The following CT45A1 variants were observed in gnomAD, a reference collection of about 807,000 sequenced individuals.
CT45A1 encodes cancer/testis antigen family 45 member A1, also known as cancer/testis antigen 45-1.
chrX:135,709,311 A>T (rs1556568986), upstream of CT45A1, among the ~76,000 whole-genome samples: 1 of 112,754 alleles, frequency 8.9e-6, no homozygotes, highest in Non-Finnish European at 1.9e-5. Flanking sequence ...ATTTCTTAGC[A>T]GAGACAGGGT....
At position 135,714,932 on chromosome X, in the gene CT45A1, C is replaced by T. The variant is rs2087966069; in HGVS notation, c.-7+1242C>T. Among the ~76,000 whole-genome samples, 2 of 105,297 alleles carry T rather than the reference C, an allele frequency of 1.9e-5. 1 individual carries two copies. Among genetic ancestry groups the T allele is most frequent in the Middle Eastern group, 9.0e-3 (2 of 223 alleles). The allele number at this position is 105,297 out of a possible 115,157, so 91.4% of individuals were successfully genotyped here. On this transcript the variant is annotated intron_variant, in intron 1 of 4. Transcript: ENST00000594565. ...TTCAGGTATTTTCCTCCAGCTTTTA[C>T]TGAGATGTTTGTATTTTAAAAATGG... is the stretch of plus-strand genomic sequence containing the variant.
At chrX:135,712,659 C>T (rs1359496298), upstream of CT45A1, among the ~76,000 whole-genome samples, 1 of 110,464 alleles carries the variant, frequency 9.1e-6, no homozygotes, top group East Asian at 2.8e-4. Context: ...TCCCAAGTAG[C>T]TGTTGGGACT....
At chrX:135,711,699 C>T (rs1556569587), upstream of CT45A1, among the ~76,000 whole-genome samples, 1 of 111,898 alleles carries the variant, frequency 8.9e-6, no homozygotes, top group East Asian at 2.8e-4. Context: ...CTGCTTGTTC[C>T]ATTAAAACTC....
upstream of CT45A1, among the ~76,000 whole-genome samples, chrX:135,711,491 G>A (rs1811027629): frequency 9.0e-6 from 1 of 111,168 alleles, no homozygotes; most frequent in South Asian, 3.9e-4. Context: ...CTGGAGTGCA[G>A]TGGCTCGATC....
At chrX:135,717,010 A>G (rs2087992879) in intron 1 of CT45A1, among the ~76,000 whole-genome samples, 1 of 111,244 alleles carries the variant, frequency 9.0e-6, no homozygotes, top group Admixed American at 9.6e-5. Context: ...CTCTACCTTT[A>G]TAGTAAATTT....
chrX:135,709,383 C>A (rs2087923080), upstream of CT45A1, among the ~76,000 whole-genome samples: 2 of 112,482 alleles, frequency 1.8e-5, no homozygotes, highest in African/African-American at 6.5e-5. Context: ...CCACCTCAGA[C>A]TCCCAAAGTG....
chrX:135,713,473 C>T (rs2087952501), upstream of CT45A1: 1 of 398,883 alleles, frequency 2.5e-6, no homozygotes, highest in Non-Finnish European at 3.0e-6. Context: ...TGGGCCAGCA[C>T]ACTGTGGCTG....
intron 1 of CT45A1, among the ~76,000 whole-genome samples, chrX:135,715,366 T>TATATATAATACTTATATATAATACTTAC: frequency 4.2e-5 from 3 of 70,600 alleles, no homozygotes; most frequent in Non-Finnish European, 7.5e-5. Flanking sequence ...ATAATACTTA[T>TATATATAATACTTATATATAATACTTAC]ATATATAATA....
At chrX:135,712,179 C>CTT (rs782572662), upstream of CT45A1, among the ~76,000 whole-genome samples, 22,145 of 48,304 alleles carry the variant, frequency 0.46, 5,635 homozygotes, top group East Asian at 0.69. Context: ...TTTTTTCTTT[C>CTT]TTTTTTTTTT....
upstream of CT45A1, among the ~76,000 whole-genome samples, chrX:135,712,958 T>TTTCTTTCG (rs1438037424): frequency 2.2e-4 from 19 of 84,880 alleles, no homozygotes; most frequent in Non-Finnish European, 3.3e-4. Flanking sequence ...TCTTTCTTTC[T>TTTCTTTCG]TTCTTTCTTT....
upstream of CT45A1, among the ~76,000 whole-genome samples, chrX:135,711,107 A>T (rs1457176045): frequency 9.0e-6 from 1 of 111,548 alleles, no homozygotes; most frequent in Admixed American, 9.5e-5. Flanking sequence ...GGTAGGCAGG[A>T]TTCTAATTAA....
At chrX:135,711,801 C>T (rs1487078912), upstream of CT45A1, among the ~76,000 whole-genome samples, 3 of 111,652 alleles carry the variant, frequency 2.7e-5, no homozygotes, top group African/African-American at 9.8e-5. Flanking sequence ...GAAAAATGGG[C>T]GGGGCGTGGT....
chrX:135,709,887 G>T (rs1411915587), upstream of CT45A1, among the ~76,000 whole-genome samples: 3 of 111,884 alleles, frequency 2.7e-5, no homozygotes, highest in Non-Finnish European at 5.6e-5. Context: ...TTTTAAAAAG[G>T]TTAAAAAAGA....
chrX:135,713,763 T>C, intron 1 of CT45A1, 73 bp downstream of exon 1: 1 of 670,141 alleles, frequency 1.5e-6, no homozygotes, highest in Non-Finnish European at 1.8e-6. Flanking sequence ...AAGTGTCCTT[T>C]TTCCTCAGAA....
upstream of CT45A1, among the ~76,000 whole-genome samples, chrX:135,710,809 T>A (rs1265824977): frequency 1.8e-5 from 2 of 112,616 alleles, no homozygotes; most frequent in African/African-American, 6.5e-5. Context: ...GACCCCAATA[T>A]CTTCACATTG....
upstream of CT45A1, among the ~76,000 whole-genome samples, chrX:135,712,998 T>TTCCTTCCTTCCTTCCTTCCTTCCTCC (rs782155348): frequency 6.6e-5 from 1 of 15,242 alleles, no homozygotes; most frequent in Non-Finnish European, 1.2e-4. Flanking sequence ...CCTTCCTTCC[T>TTCCTTCCTTCCTTCCTTCCTTCCTCC]CTCTCTCTCT....
upstream of CT45A1, among the ~76,000 whole-genome samples, chrX:135,712,966 T>TCC (rs1479088586): frequency 5.4e-5 from 4 of 74,454 alleles, no homozygotes; most frequent in African/African-American, 2.0e-4. Context: ...TCTTTCTTTC[T>TCC]TTCTTTCTTT....
At chrX:135,713,114 T>C (rs1442610233), upstream of CT45A1, among the ~76,000 whole-genome samples, 2 of 98,798 alleles carry the variant, frequency 2.0e-5, no homozygotes, top group Admixed American at 2.3e-4. Context: ...CTCGGCTCTC[T>C]GCTACCTCTG....
At chrX:135,715,638 T>TAA (rs2087981148) in intron 1 of CT45A1, among the ~76,000 whole-genome samples, 1 of 96,207 alleles carries the variant, frequency 1.0e-5, no homozygotes, top group Admixed American at 1.3e-4. Flanking sequence ...CTTATATATA[T>TAA]AATACTTATA....
Sources: allele counts gnomAD v4.1 joint callset (sites outside exome capture counted in the v4.1 genomes callset), GRCh38; gene constraint gnomAD v4.1.1; transcripts MANE v1.5; gene names NCBI Gene and HGNC (gene_info 2026-07-23, HGNC 2026-07-21).